Variants in C10orf143 observed in about 807,000 individuals in gnomAD.
C10orf143 encodes the protein uncharacterized protein C10orf143.
At chr10:130,049,423 C>T (rs1269316470) in intron 3 of C10orf143, among the ~76,000 whole-genome samples, 3 of 152,296 alleles carry the variant, frequency 2.0e-5, no homozygotes, top group East Asian at 1.9e-4. Flanking sequence ...AAACATGCCC[C>T]GGGTGCCATC....
chr10:130,050,698 TAAAC>T (rs1330790828), intron 3 of C10orf143, among the ~76,000 whole-genome samples: 5 of 152,362 alleles, frequency 3.3e-5, no homozygotes, highest in South Asian at 2.1e-4. Context: ...TCATTTCACA[TAAAC>T]AAAGAAGCAT....
intron 1 of C10orf143, among the ~76,000 whole-genome samples, chr10:130,091,340 G>A (rs1175840588): frequency 6.6e-6 from 1 of 152,192 alleles, no homozygotes; most frequent in Non-Finnish European, 1.5e-5. Context: ...ATGACTCTTA[G>A]AAGGAAAACT....
At chr10:130,078,199 C>G (rs1371116741) in intron 3 of C10orf143, among the ~76,000 whole-genome samples, 2 of 152,086 alleles carry the variant, frequency 1.3e-5, no homozygotes, top group Non-Finnish European at 2.9e-5. Flanking sequence ...GTTGCTTGAA[C>G]TAAATTTTTT....
At position 130,082,351 on chromosome 10, in the gene C10orf143, G is replaced by A. The variant is rs146184013; in HGVS notation, c.70-2450C>T. 3.3e-3 allele frequency among the ~76,000 whole-genome samples: 505 copies of A among 152,192 alleles called. 6 individuals carry two copies. Among genetic ancestry groups the A allele is most frequent in the African/African-American group, 0.012 (480 of 41,526 alleles). ...ATATACGGTCCCAGGACAACTTGGAGCCATTTGGAGAAAAGAAATTTAGAT... is the reference window on the plus strand; with the variant it reads ...ATATACGGTCCCAGGACAACTTGGAACCATTTGGAGAAAAGAAATTTAGAT... On this transcript the variant is annotated intron_variant, in intron 1 of 3. Coordinates refer to ENST00000637128, the MANE Select transcript of C10orf143 (RefSeq NM_001355042.2).
intron 3 of C10orf143, among the ~76,000 whole-genome samples, chr10:130,069,951 A>T (rs1861003665): frequency 6.6e-6 from 1 of 152,042 alleles, no homozygotes; most frequent in South Asian, 2.1e-4. Flanking sequence ...TCTTCAACAC[A>T]GATGCTTCCA....
chr10:130,108,338 C>T (rs767378743), intron 1 of C10orf143: 12 of 1,469,738 alleles, frequency 8.2e-6, no homozygotes, highest in Non-Finnish European at 1.1e-5. Context: ...TCCCCCAAGA[C>T]CTGGATTTTT....
intron 3 of C10orf143, among the ~76,000 whole-genome samples, chr10:130,055,952 TAAAAAAAAA>T (rs369284797): frequency 6.1e-5 from 4 of 65,860 alleles, no homozygotes; most frequent in East Asian, 1.1e-3. Context: ...TCTCCAAAAG[TAAAAAAAAA>T]AAAAAAAAAA....
intron 1 of C10orf143, among the ~76,000 whole-genome samples, chr10:130,103,786 G>A (rs1036665198): frequency 2.6e-5 from 4 of 151,738 alleles, no homozygotes; most frequent in African/African-American, 9.7e-5. Flanking sequence ...CTGCAACCTG[G>A]GCAACAGAGC....
At chr10:130,106,375 A>G (rs928284763) in intron 1 of C10orf143, 2 of 1,602,438 alleles carry the variant, frequency 1.2e-6, no homozygotes, top group Non-Finnish European at 8.5e-7. Context: ...AAGTAGCGTC[A>G]TCGTTAGAGG....
intron 3 of C10orf143, among the ~76,000 whole-genome samples, chr10:130,047,896 G>A (rs1369123280): frequency 6.6e-6 from 1 of 151,666 alleles, no homozygotes; most frequent in Non-Finnish European, 1.5e-5. Flanking sequence ...TTCCCCTAAA[G>A]CACAGATGTG....
chr10:130,075,785 C>T (rs934161074), intron 3 of C10orf143, among the ~76,000 whole-genome samples: 13 of 151,884 alleles, frequency 8.6e-5, no homozygotes, highest in East Asian at 7.7e-4. Context: ...TCCCCTCTGG[C>T]GCTCTCTCTC....
intron 1 of C10orf143, chr10:130,107,197 T>A: frequency 7.2e-7 from 1 of 1,389,248 alleles, no homozygotes; most frequent in South Asian, 1.2e-5. Context: ...AAGTAATGAC[T>A]GAATTATATC....
intron 1 of C10orf143, chr10:130,104,754 T>G (rs1442829042): frequency 6.6e-6 from 1 of 152,224 alleles, no homozygotes; most frequent in Non-Finnish European, 1.5e-5. Flanking sequence ...GCACTCCATT[T>G]CAGCAATTCC....
chr10:130,047,776 T>TA (rs1458374070), intron 3 of C10orf143, among the ~76,000 whole-genome samples: 1 of 152,126 alleles, frequency 6.6e-6, no homozygotes, highest in African/African-American at 2.4e-5. Flanking sequence ...CTAGTGCCCA[T>TA]AAGAGATGCC....
chr10:130,080,600 C>T (rs551531674), intron 1 of C10orf143, among the ~76,000 whole-genome samples: 6 of 152,154 alleles, frequency 3.9e-5, no homozygotes, highest in Non-Finnish European at 5.9e-5. Context: ...TGGCCCAGGG[C>T]GAGAAATCCA....
intron 1 of C10orf143, among the ~76,000 whole-genome samples, chr10:130,081,503 CCT>C (rs1288657300): frequency 6.6e-6 from 1 of 151,934 alleles, no homozygotes; most frequent in African/African-American, 2.4e-5. Flanking sequence ...AACTCTGTAC[CCT>C]GATAATAGAG....
rs2147756 is a variant in C10orf143 at position 130,056,059 on chromosome 10, A to G, written c.298-20089T>C. On this transcript the variant is annotated intron_variant and NMD_transcript_variant, in intron 3 of 5. Transcript: ENST00000643056. This position sits in a 1 kb window ranked among gnomAD's most constrained non-coding sequence, Gnocchi z 4.6. ...CTGAAAAATGCATTGGTGGCTGATG[A>G]TTGTTAACTTTTTAAATAACTTTAC... Among the ~76,000 whole-genome samples the G allele has an allele frequency of 0.94, 142,599 of 151,754 alleles. 67,020 individuals carry two copies. The highest frequency in any genetic ancestry group is 0.95 in the Admixed American group (14,560 of 15,254).
chr10:130,081,372 A>G (rs1027639926), intron 1 of C10orf143, among the ~76,000 whole-genome samples: 2 of 152,264 alleles, frequency 1.3e-5, no homozygotes, highest in East Asian at 3.8e-4. Context: ...AAACATACTA[A>G]TAACAGGAGG....
At chr10:130,084,651 T>TACAC (rs56725445) in intron 1 of C10orf143, among the ~76,000 whole-genome samples, 4 of 150,380 alleles carry the variant, frequency 2.7e-5, no homozygotes, top group South Asian at 2.1e-4. Flanking sequence ...GTGCAGGTGA[T>TACAC]ACACACACAC....
Sources: allele counts gnomAD v4.1 joint callset (sites outside exome capture counted in the v4.1 genomes callset), GRCh38; gene constraint gnomAD v4.1.1; non-coding constraint Gnocchi (gnomAD v3.1); transcripts MANE v1.5; gene names NCBI Gene and HGNC (gene_info 2026-07-23, HGNC 2026-07-21).